Variants in TMEM156 observed in about 807,000 individuals in gnomAD.
TMEM156 encodes transmembrane protein 156.
In TMEM156, 28 loss-of-function variants were observed where a neutral mutation model predicts 30.5. The ratio of observed to expected loss-of-function variants is 0.92; its 90% confidence interval spans 0.68 to 1.26. TMEM156 has a LOEUF of 1.26. Ranked by LOEUF, TMEM156 falls within the 50% of genes most tolerant of loss-of-function variation. The pLI is 0.00. For missense variants in TMEM156, 351 were observed against 340.6 expected, an observed-to-expected ratio of 1.03 and a Z score of -0.24; for synonymous variants, 137 against 119.9, an observed-to-expected ratio of 1.14 and a Z score of -0.93.
Position 38,968,699 on chromosome 4 carries a change from A to G in TMEM156, c.*39-1058T>C, listed in dbSNP as rs150130705. On this transcript the variant is annotated intron_variant, in intron 6 of 6. Coordinates refer to ENST00000381938, the MANE Select transcript of TMEM156 (RefSeq NM_024943.3). ...ATGCTACTTAGGAATTTCTGAGCCAACAGCAGACCCTGGTTGCACTGAGAC... is the reference window on the plus strand; with the variant it reads ...ATGCTACTTAGGAATTTCTGAGCCAGCAGCAGACCCTGGTTGCACTGAGAC... Among the ~76,000 whole-genome samples, 624 of 152,324 alleles carry G rather than the reference A, an allele frequency of 4.1e-3. 1 individual carries two copies. The highest frequency in any genetic ancestry group is 0.014 in the African/African-American group (593 of 41,574).
intron 5 of TMEM156, among the ~76,000 whole-genome samples, chr4:38,984,349 C>CTGTG (rs34823853): frequency 1.9e-3 from 244 of 131,104 alleles, no homozygotes; most frequent in East Asian, 0.012. Flanking sequence ...CTCTCTCTCT[C>CTGTG]TGTGTGTGTG....
At chr4:38,988,700 CTG>C (rs1712188314) in intron 4 of TMEM156, 149 bp downstream of exon 4, 1 of 1,029,888 alleles carries the variant, frequency 9.7e-7, no homozygotes. Flanking sequence ...CATGCTGGAA[CTG>C]TGTTTTATCT....
chr4:39,032,309 G>A lies in TMEM156; in HGVS notation c.5C>T (p.Thr2Ile), dbSNP rs1236064407. Reference sequence around the variant, plus strand: ...AAATAATTTAAGGAGGGCTGTTTTTGTCATGTCTCTTCACATGACACAAAT... The same window carrying A: ...AAATAATTTAAGGAGGGCTGTTTTTATCATGTCTCTTCACATGACACAAAT... M[T>I]KTALLKLFVA... Residue 2 changes from threonine to isoleucine, a missense_variant, in exon 1 of 7, where the codon ACA becomes ATA. Transcript: ENST00000381938. The A allele has an allele frequency of 3.1e-6, 5 of 1,601,208 alleles. No homozygotes were observed. The East Asian group carries it at 1.1e-4, about 36-fold the overall frequency.
At chr4:38,968,539 T>C (rs998498773) in intron 6 of TMEM156, among the ~76,000 whole-genome samples, 2 of 152,148 alleles carry the variant, frequency 1.3e-5, no homozygotes, top group African/African-American at 2.4e-5. Context: ...CAAAAATCAT[T>C]TGGTGAATGA....
At chr4:38,992,099 AT>A (rs1285329122) in intron 3 of TMEM156, among the ~76,000 whole-genome samples, 1 of 152,352 alleles carries the variant, frequency 6.6e-6, no homozygotes, top group African/African-American at 2.4e-5. Context: ...TTTAAAGTGA[AT>A]GTAATATTTT....
intron 1 of TMEM156, among the ~76,000 whole-genome samples, chr4:39,000,317 G>A (rs969801867): frequency 2.7e-4 from 41 of 152,102 alleles, no homozygotes; most frequent in Non-Finnish European, 5.9e-5. Flanking sequence ...ACTTAAGCCT[G>A]GGAGGTTGAA....
At chr4:38,999,004 T>G in intron 1 of TMEM156, 95 bp from the exon 2 acceptor site, 1 of 1,065,028 alleles carries the variant, frequency 9.4e-7, no homozygotes. Context: ...TTTTCTTAGG[T>G]GGATTCAGTA....
At chr4:38,979,776 T>C (rs548879455) in intron 5 of TMEM156, among the ~76,000 whole-genome samples, 1 of 152,264 alleles carries the variant, frequency 6.6e-6, no homozygotes, top group Admixed American at 6.5e-5. Context: ...TTAGTCTTCA[T>C]AGATTACTCA....
chr4:38,995,784 C>T (rs1661816866), intron 2 of TMEM156, among the ~76,000 whole-genome samples: 2 of 152,268 alleles, frequency 1.3e-5, no homozygotes, highest in South Asian at 4.1e-4. Context: ...TTGCTTATAA[C>T]CAATCAAAGG....
intron 2 of TMEM156, among the ~76,000 whole-genome samples, chr4:38,997,661 A>T (rs1713026454): frequency 6.6e-6 from 1 of 152,260 alleles, no homozygotes; most frequent in African/African-American, 2.4e-5. Flanking sequence ...GGAATTATTT[A>T]ATTTCTCAAT....
At chr4:38,973,062 T>G (rs1430943668) in intron 5 of TMEM156, among the ~76,000 whole-genome samples, 1 of 152,198 alleles carries the variant, frequency 6.6e-6, no homozygotes, top group Non-Finnish European at 1.5e-5. Context: ...AAATCATTGA[T>G]CCATTTAAAA....
Position 38,988,866 on chromosome 4 carries a change from C to T in TMEM156, c.724G>A (p.Val242Met). Residue 242 changes from valine to methionine, a missense_variant, in exon 4 of 7, where the codon GTG becomes ATG. By Grantham distance (21) the Val-to-Met change is conservative. Transcript: ENST00000381938. ...IRKILEGQRR[V>M]QKWQSHRDKP... ...TTATACTTACTCTGCCACTTTTGCA[C>T]TCTTCTCTGGCCTTCAAGTATTTTG... 6.2e-7 allele frequency: 1 copy of T among 1,614,094 alleles called. No homozygotes were observed. The highest frequency in any genetic ancestry group is 2.2e-5 in the East Asian group (1 of 44,866).
chr4:39,011,871 T>C (rs1187667424), intron 1 of TMEM156, among the ~76,000 whole-genome samples: 1 of 152,184 alleles, frequency 6.6e-6, no homozygotes, highest in Non-Finnish European at 1.5e-5. Context: ...TGCAGCAACA[T>C]GGTTGCAGCT....
At chr4:38,982,339 T>G (rs1711631577) in intron 5 of TMEM156, among the ~76,000 whole-genome samples, 1 of 152,212 alleles carries the variant, frequency 6.6e-6, no homozygotes, top group Admixed American at 6.5e-5. Context: ...AACTTCCCTT[T>G]ATAAAGACTC....
intron 5 of TMEM156, among the ~76,000 whole-genome samples, chr4:38,974,674 A>ATT (rs11284825): frequency 0.031 from 4,472 of 144,174 alleles, 102 homozygotes; most frequent in East Asian, 0.061. Flanking sequence ...ATTAAAAGTA[A>ATT]TTTTTTTTTT....
intron 1 of TMEM156, among the ~76,000 whole-genome samples, chr4:39,007,328 G>A (rs972686054): frequency 1.3e-5 from 2 of 152,090 alleles, no homozygotes; most frequent in Admixed American, 6.6e-5. Flanking sequence ...TGAAGTACCC[G>A]GTGGTACTTT....
At chr4:39,006,966 C>T (rs905256828) in intron 1 of TMEM156, among the ~76,000 whole-genome samples, 1 of 151,768 alleles carries the variant, frequency 6.6e-6, no homozygotes, top group African/African-American at 2.4e-5. Context: ...AACAAAAAAA[C>T]AAAAACATGG....
At chr4:38,984,363 G>C (rs991154621) in intron 5 of TMEM156, among the ~76,000 whole-genome samples, 6 of 151,424 alleles carry the variant, frequency 4.0e-5, no homozygotes, top group African/African-American at 1.2e-4. Flanking sequence ...GTGTGTGTGT[G>C]TGTGTGTGTG....
chr4:39,015,799 T>C (rs1714442291), intron 1 of TMEM156, among the ~76,000 whole-genome samples: 1 of 152,132 alleles, frequency 6.6e-6, no homozygotes. Context: ...GGGGGCTGTT[T>C]CTCCCATACT....
Sources: gnomAD v4.1 joint callset for allele counts (sites outside exome capture counted in the v4.1 genomes callset) on GRCh38, gnomAD v4.1.1 for gene constraint, MANE v1.5 for transcripts, NCBI Gene and HGNC (gene_info 2026-07-23, HGNC 2026-07-21) for gene names.